Variants in ELAVL2 observed in about 807,000 individuals in gnomAD.
ELAVL2 encodes ELAV-like protein 2.
A neutral mutation model predicts 34.6 loss-of-function variants in ELAVL2; 4 were observed. That is an observed-to-expected ratio of 0.12 (90% CI 0.06 to 0.26). The LOEUF is 0.26. ELAVL2 is among the 10% of genes least tolerant of loss of function. ELAVL2 has a pLI of 1.00. For synonymous variants in ELAVL2, 193 were observed against 154.8 expected, an observed-to-expected ratio of 1.25 and a Z score of -1.83; for missense variants, 432 against 442.8, an observed-to-expected ratio of 0.98 and a Z score of 0.22.
intron 1 of ELAVL2, among the ~76,000 whole-genome samples, chr9:23,791,409 A>C (rs2060302444): frequency 6.6e-6 from 1 of 152,206 alleles, no homozygotes; most frequent in South Asian, 2.1e-4. Flanking sequence ...ACTGAAGTGT[A>C]TCTCCCAAAA....
In ELAVL2 at chr9:23,701,569, T is replaced by G; in HGVS notation, c.523A>C (p.Lys175Gln). The G allele has an allele frequency of 1.2e-6, 2 of 1,614,110 alleles. No homozygotes were observed. The change falls in exon 5 of 7, where the codon AAG becomes CAG. Residue 175 changes from lysine (K) to glutamine (Q), a missense_variant. Physicochemically the swap from Lys to Gln is moderately conservative, Grantham distance 53. Around this residue, in one of 3 missense-constraint regions of ELAVL2, gnomAD observed 295 missense variants for 306.1 expected, o/e 0.96. Coordinates refer to ENST00000397312, the MANE Select transcript of ELAVL2 (RefSeq NM_004432.5). Reference protein sequence around the residue: ...SRGVGFIRFDKRIEAEEAIKG... With the variant: ...SRGVGFIRFDQRIEAEEAIKG... Reference sequence around the variant, plus strand: ...ATAGCTTCTTCTGCCTCAATTCGCTTGTCAAATCGAATAAACCCTACACCC... The same window carrying G: ...ATAGCTTCTTCTGCCTCAATTCGCTGGTCAAATCGAATAAACCCTACACCC...
At chr9:23,787,262 ATTT>A (rs750594918) in intron 1 of ELAVL2, among the ~76,000 whole-genome samples, 1 of 141,696 alleles carries the variant, frequency 7.1e-6, no homozygotes, top group Non-Finnish European at 1.5e-5. Context: ...TTTCATCCCC[ATTT>A]TTTTTTTTTT....
At chr9:23,848,434 T>C in the ELAVL2 span, among the ~76,000 whole-genome samples, 1 of 152,330 alleles carries the variant, frequency 6.6e-6, no homozygotes, top group South Asian at 2.1e-4. Context: ...GTGTTTTAGC[T>C]CTCAAATGAA....
intron 1 of ELAVL2, among the ~76,000 whole-genome samples, chr9:23,813,866 T>C (rs1473574719): frequency 1.3e-5 from 2 of 148,672 alleles, no homozygotes; most frequent in African/African-American, 2.4e-5. Context: ...TTAGAACTAC[T>C]GCCTTTGTCT....
chr9:23,701,974 T>C (rs781510291), intron 4 of ELAVL2, among the ~76,000 whole-genome samples: 22 of 152,142 alleles, frequency 1.4e-4, no homozygotes, highest in Non-Finnish European at 3.1e-4. Flanking sequence ...TTTGTGCTAT[T>C]GGATAAGCAG....
chr9:23,814,803 T>A (rs1278595038), intron 1 of ELAVL2, among the ~76,000 whole-genome samples: 1 of 152,144 alleles, frequency 6.6e-6, no homozygotes, highest in African/African-American at 2.4e-5. Context: ...AATATCAGTA[T>A]AACAAGAAAT....
intron 2 of ELAVL2, chr9:23,735,632 C>G (rs982143706): frequency 8.5e-5 from 13 of 152,180 alleles, no homozygotes; most frequent in Non-Finnish European, 1.9e-4. Context: ...TTGCTATATT[C>G]TGTGCTGCAC....
At chr9:23,784,733 G>C (rs1306471781) in intron 1 of ELAVL2, among the ~76,000 whole-genome samples, 1 of 152,210 alleles carries the variant, frequency 6.6e-6, no homozygotes, top group Non-Finnish European at 1.5e-5. Context: ...GGTAGGTGCA[G>C]AGGTGGGGCA....
chr9:23,836,063 A>G, the ELAVL2 span, among the ~76,000 whole-genome samples: 1 of 152,260 alleles, frequency 6.6e-6, no homozygotes, highest in African/African-American at 2.4e-5. Context: ...ATTTCACACT[A>G]ACCCCTCTTA....
chr9:23,825,495 C>G (rs2065243673), intron 1 of ELAVL2, among the ~76,000 whole-genome samples: 1 of 152,170 alleles, frequency 6.6e-6, no homozygotes, highest in South Asian at 2.1e-4. Context: ...TCTCTCCCCA[C>G]GAAATGAACT....
intron 1 of ELAVL2, among the ~76,000 whole-genome samples, chr9:23,806,670 CAA>C (rs1262376820): frequency 1.3e-5 from 2 of 151,354 alleles, no homozygotes; most frequent in African/African-American, 2.4e-5. Context: ...ATTCAGAAAA[CAA>C]AGTTATAAGA....
intron 1 of ELAVL2, among the ~76,000 whole-genome samples, chr9:23,795,947 A>G (rs547710728): frequency 3.9e-5 from 6 of 152,244 alleles, no homozygotes; most frequent in African/African-American, 7.2e-5. Flanking sequence ...GGAAAAATGC[A>G]TAAGTGGATG....
chr9:23,819,577 C>CAA (rs1309866603), intron 1 of ELAVL2, among the ~76,000 whole-genome samples: 1 of 151,956 alleles, frequency 6.6e-6, no homozygotes. Flanking sequence ...AGACACTACA[C>CAA]AATGAAGGAA....
intron 2 of ELAVL2, among the ~76,000 whole-genome samples, chr9:23,750,528 T>C (rs545236592): frequency 9.1e-4 from 138 of 152,244 alleles, no homozygotes; most frequent in Middle Eastern, 3.4e-3. Context: ...TAGTACACTG[T>C]CTGCACCATA....
At chr9:23,833,355 C>T in the ELAVL2 span, among the ~76,000 whole-genome samples, 1 of 151,680 alleles carries the variant, frequency 6.6e-6, no homozygotes, top group Non-Finnish European at 1.5e-5. Context: ...GCCCCTTAAG[C>T]TATGATTTTT....
chr9:23,699,130 C>A (rs1014977651), intron 5 of ELAVL2, among the ~76,000 whole-genome samples: 5 of 152,132 alleles, frequency 3.3e-5, no homozygotes, highest in Non-Finnish European at 7.4e-5. Flanking sequence ...GATAAAAACA[C>A]AGAATGGGCC....
At chr9:23,759,754 TTATATATATATATATATA>T (rs774471922) in intron 2 of ELAVL2, among the ~76,000 whole-genome samples, 16 of 81,344 alleles carry the variant, frequency 2.0e-4, no homozygotes, top group East Asian at 7.5e-4. Flanking sequence ...ATATATAGTA[TTATATATATATATATATA>T]TATATATATA....
chr9:23,719,777 G>C (rs1453141940), intron 3 of ELAVL2, among the ~76,000 whole-genome samples: 1 of 151,514 alleles, frequency 6.6e-6, no homozygotes, highest in Non-Finnish European at 1.5e-5. Context: ...GGTTTGGTTG[G>C]CAGGCTATAA....
chr9:23,734,778 G>A (rs1421090897), intron 2 of ELAVL2, among the ~76,000 whole-genome samples: 1 of 151,676 alleles, frequency 6.6e-6, no homozygotes, highest in East Asian at 1.9e-4. Context: ...TTATAAATGA[G>A]CGCACAGTTT....
Sources: gnomAD v4.1 joint callset for allele counts (sites outside exome capture counted in the v4.1 genomes callset) on GRCh38, gnomAD v4.1.1 for gene constraint, gnomAD v4.1.1 regional missense constraint, MANE v1.5 for transcripts, NCBI Gene and HGNC (gene_info 2026-07-23, HGNC 2026-07-21) for gene names.